ZNF69: variants seen among roughly 807,000 people sequenced by gnomAD.
ZNF69 encodes zinc finger protein 69.
In ZNF69, 47 loss-of-function variants were observed where a neutral mutation model predicts 50.9. The observed-to-expected ratio is 0.92, with a 90% CI of 0.73 to 1.18. The LOEUF (loss-of-function observed/expected upper bound fraction) is 1.18. ZNF69 is among the 50% of genes most tolerant of loss of function. ZNF69 has a pLI of 0.00. For missense variants in ZNF69, 717 were observed against 675.1 expected (o/e 1.06, Z -0.69); for synonymous variants, 216 against 223.1 (o/e 0.97, Z 0.29).
At chr19:11,951,329 A>AGT in the ZNF69 span, among the ~76,000 whole-genome samples, 4 of 150,570 alleles carry the variant, frequency 2.7e-5, no homozygotes, top group Non-Finnish European at 5.9e-5. Context: ...CCTAGGTTCA[A>AGT]GTGATTCTCC....
At chr19:11,962,025 G>T in the ZNF69 span, among the ~76,000 whole-genome samples, 3 of 152,204 alleles carry the variant, frequency 2.0e-5, no homozygotes, top group African/African-American at 7.2e-5. Flanking sequence ...TGCCCAGGGT[G>T]GTCATAGCCC....
intron 1 of ZNF69, among the ~76,000 whole-genome samples, chr19:11,897,201 G>A (rs573903311): frequency 1.3e-5 from 2 of 152,208 alleles, no homozygotes; most frequent in South Asian, 4.1e-4. Flanking sequence ...TACAAAATTA[G>A]CCAGGCCTGG....
chr19:11,911,879 G>A (rs1285278081), intron 4 of ZNF69, among the ~76,000 whole-genome samples: 8 of 152,158 alleles, frequency 5.3e-5, no homozygotes, highest in Non-Finnish European at 1.2e-4. Flanking sequence ...AGATATGTGG[G>A]AAAGGCTTTT....
chr19:11,968,725 A>G, the ZNF69 span, among the ~76,000 whole-genome samples: 3 of 152,310 alleles, frequency 2.0e-5, no homozygotes, highest in South Asian at 4.1e-4. Flanking sequence ...TATAGAGATC[A>G]GTAGTAGAGA....
chr19:11,979,892 C>A, the ZNF69 span: 2 of 1,424,480 alleles, frequency 1.4e-6, no homozygotes, highest in Admixed American at 3.4e-5. Context: ...TGTAGAAAGA[C>A]CTTATAAATG....
the ZNF69 span, among the ~76,000 whole-genome samples, chr19:11,952,634 G>C: frequency 6.6e-6 from 1 of 152,242 alleles, no homozygotes; most frequent in Non-Finnish European, 1.5e-5. Flanking sequence ...AAAGGATGCA[G>C]CATCAATCAT....
chr19:11,936,388 C>G, the ZNF69 span, among the ~76,000 whole-genome samples: 2 of 152,076 alleles, frequency 1.3e-5, no homozygotes, highest in Non-Finnish European at 2.9e-5. Flanking sequence ...TTCTAACTGG[C>G]GTGAGATGGT....
chr19:11,910,717 C>A (rs927912793), downstream of ZNF69, among the ~76,000 whole-genome samples: 4 of 152,158 alleles, frequency 2.6e-5, no homozygotes, highest in African/African-American at 9.7e-5. Flanking sequence ...ACCATAAAAA[C>A]CCTAGAAGAA....
chr19:11,911,947 AGTGTAAG>A (rs1568283249), intron 4 of ZNF69, among the ~76,000 whole-genome samples: 8 of 152,094 alleles, frequency 5.3e-5, no homozygotes, highest in African/African-American at 1.7e-4. Context: ...AAACCCTATG[AGTGTAAG>A]CAATGTGGTA....
chr19:11,905,896 A>T lies in ZNF69; in HGVS notation c.1499A>T (p.His500Leu). Residue 500 changes from histidine (H) to leucine (L), a missense_variant, in exon 4 of 4, where the codon CAC becomes CTC. His to Leu is a moderately conservative substitution (Grantham distance 99). Coordinates refer to ENST00000429654, the MANE Select transcript of ZNF69 (RefSeq NM_001364730.1). The part of the protein sequence containing the change: ...PKSLQRHEKT[H>L]TGEKLYECKQ... ...TCATTGCAAAGACATGAAAAAACTCACACTGGAGAGAAACTCTATGAATGC... is the reference window on the plus strand; with the variant it reads ...TCATTGCAAAGACATGAAAAAACTCTCACTGGAGAGAAACTCTATGAATGC... 6.2e-7 allele frequency: 1 copy of T among 1,613,928 alleles called. No individual in the cohort carries two copies. Among genetic ancestry groups the T allele is most frequent in the Non-Finnish European group, 8.5e-7 (1 of 1,180,000 alleles).
At chr19:11,911,373 C>T (rs1438924905), downstream of ZNF69, among the ~76,000 whole-genome samples, 52 of 152,250 alleles carry the variant, frequency 3.4e-4, no homozygotes, top group South Asian at 6.2e-4. Flanking sequence ...CACATGCACA[C>T]GTATGTTTAT....
chr19:11,945,733 G>C, the ZNF69 span, among the ~76,000 whole-genome samples: 3 of 152,066 alleles, frequency 2.0e-5, no homozygotes, highest in Non-Finnish European at 4.4e-5. Context: ...GGGACAGTAA[G>C]GGCCATGATG....
chr19:11,960,600 GGTT>G, the ZNF69 span, among the ~76,000 whole-genome samples: 1 of 140,744 alleles, frequency 7.1e-6, no homozygotes, highest in South Asian at 2.1e-4. Context: ...AGCAATGAGC[GGTT>G]TTTTTTTTTT....
At chr19:11,972,475 A>T in the ZNF69 span, among the ~76,000 whole-genome samples, 1 of 152,202 alleles carries the variant, frequency 6.6e-6, no homozygotes, top group Non-Finnish European at 1.5e-5. Flanking sequence ...ACATAAAAGA[A>T]TTGCACAATG....
chr19:11,977,024 G>A, the ZNF69 span: 1 of 1,614,076 alleles, frequency 6.2e-7, no homozygotes, highest in Non-Finnish European at 8.5e-7. Context: ...CTCTACACAT[G>A]TGAGATGTTT....
the ZNF69 span, among the ~76,000 whole-genome samples, chr19:11,962,809 C>T: frequency 6.6e-6 from 1 of 152,186 alleles, no homozygotes; most frequent in African/African-American, 2.4e-5. Flanking sequence ...AACAAGCTGA[C>T]TTAATGATTA....
rs754054905 is a variant in ZNF69, at chr19:11,903,979, A to G, written c.251+14A>G. The G allele has an allele frequency of 5.9e-5, 95 of 1,612,928 alleles. No individual in the cohort carries two copies. The highest frequency in any genetic ancestry group is 7.3e-5 in the Non-Finnish European group (86 of 1,179,028). On this transcript the variant is annotated intron_variant, in intron 3 of 3. Transcript: ENST00000429654. Reference sequence around the variant, plus strand: ...GAGAAACTTCAGGTAATTTGTACTTACAAGACAAAGCAGTGTCTCTCTAGA... The same window carrying G: ...GAGAAACTTCAGGTAATTTGTACTTGCAAGACAAAGCAGTGTCTCTCTAGA...
At chr19:11,949,899 TG>T in the ZNF69 span, 2 of 1,613,986 alleles carry the variant, frequency 1.2e-6, no homozygotes, top group East Asian at 4.5e-5. Context: ...GTAAGCAATG[TG>T]GGAAAGCCTT....
chr19:11,958,332 C>CTT, the ZNF69 span, among the ~76,000 whole-genome samples: 3 of 152,070 alleles, frequency 2.0e-5, no homozygotes, highest in Non-Finnish European at 4.4e-5. Flanking sequence ...GCCCCTAGGG[C>CTT]TTTGAGTGGC....
Sources: gnomAD v4.1 joint callset for allele counts (sites outside exome capture counted in the v4.1 genomes callset) on GRCh38, gnomAD v4.1.1 for gene constraint, MANE v1.5 for transcripts, NCBI Gene and HGNC (gene_info 2026-07-23, HGNC 2026-07-21) for gene names.